The following EFNA5 variants were observed in gnomAD, a reference collection of about 807,000 sequenced individuals.
EFNA5 encodes ephrin A5.
Under a neutral mutation model 22.9 loss-of-function variants are expected in EFNA5, and 5 were observed. The ratio of observed to expected loss-of-function variants is 0.22; its 90% CI spans 0.11 to 0.46. EFNA5 has a LOEUF of 0.46. Ranked by LOEUF, EFNA5 falls within the 20% of genes least tolerant of loss-of-function variation. The probability of loss-of-function intolerance (pLI) is 0.99; values close to 1 mark genes in which losing one functional copy is unlikely to be tolerated. For synonymous variants in EFNA5, 113 were observed against 112.2 expected, an observed-to-expected ratio of 1.01 and a Z score of -0.04; for missense variants, 237 against 293.3, an observed-to-expected ratio of 0.81 and a Z score of 1.40.
chr5:107,656,275 G>T (rs1354396757), intron 1 of EFNA5, among the ~76,000 whole-genome samples: 1 of 152,128 alleles, frequency 6.6e-6, no homozygotes, highest in Non-Finnish European at 1.5e-5. Context: ...TTACAAAGGA[G>T]ATTCAAAATC....
intron 2 of EFNA5, among the ~76,000 whole-genome samples, chr5:107,406,249 T>C (rs1402242927): frequency 6.6e-6 from 1 of 151,488 alleles, no homozygotes; most frequent in Non-Finnish European, 1.5e-5. Flanking sequence ...TGTATACAAA[T>C]ATTAATTGTG....
At chr5:107,556,314 A>C (rs1748413772) in intron 1 of EFNA5, among the ~76,000 whole-genome samples, 1 of 152,340 alleles carries the variant, frequency 6.6e-6, no homozygotes, top group Non-Finnish European at 1.5e-5. Context: ...CTTAATCTGC[A>C]CAAGAGTCCT....
chr5:107,437,039 ATGTT>A (rs982955635), intron 1 of EFNA5, among the ~76,000 whole-genome samples: 2 of 152,242 alleles, frequency 1.3e-5, no homozygotes, highest in Non-Finnish European at 2.9e-5. Context: ...AGTGAACTAA[ATGTT>A]TGTATTATGG....
intron 1 of EFNA5, among the ~76,000 whole-genome samples, chr5:107,473,346 G>C (rs1035356679): frequency 4.9e-4 from 66 of 135,114 alleles, no homozygotes; most frequent in Non-Finnish European, 7.8e-5. Flanking sequence ...CATTCTCCTT[G>C]TTGATATCAT....
rs1008230550 is a variant in EFNA5, at chr5:107,519,216, C to T, written c.126-91707G>A. 5.3e-5 allele frequency among the ~76,000 whole-genome samples: 8 copies of T among 151,630 alleles called. 1 individual carries two copies. The highest frequency in any genetic ancestry group is 2.2e-4 in the South Asian group (1 of 4,650). ...TGCAAAGTTTTAACCATCAAAATAT[C>T]CTAATTCTAAAAGTCGGAACCTAGT... On this transcript the variant is annotated intron_variant, in intron 1 of 4. Coordinates refer to ENST00000333274, the MANE Select transcript of EFNA5 (RefSeq NM_001962.3).
chr5:107,587,293 C>A (rs1447825183), intron 1 of EFNA5, among the ~76,000 whole-genome samples: 1 of 152,140 alleles, frequency 6.6e-6, no homozygotes, highest in Admixed American at 6.5e-5. Flanking sequence ...AAAGTGGAAG[C>A]CTCTTGGCCT....
intron 1 of EFNA5, among the ~76,000 whole-genome samples, chr5:107,644,161 A>C (rs1381204940): frequency 6.6e-6 from 1 of 152,126 alleles, no homozygotes; most frequent in Non-Finnish European, 1.5e-5. Context: ...TGGCGATACA[A>C]GCTGAAAGAT....
intron 1 of EFNA5, among the ~76,000 whole-genome samples, chr5:107,502,156 CCA>C (rs1202913877): frequency 1.3e-5 from 2 of 152,218 alleles, no homozygotes; most frequent in African/African-American, 4.8e-5. Flanking sequence ...CGATCTAATT[CCA>C]GTTTTCAGGC....
At chr5:107,393,269 G>A (rs111463559) in intron 2 of EFNA5, among the ~76,000 whole-genome samples, 1 of 152,250 alleles carries the variant, frequency 6.6e-6, no homozygotes, top group Non-Finnish European at 1.5e-5. Flanking sequence ...AGGCCATCAA[G>A]TTAAATACAA....
chr5:107,569,600 C>A (rs1748752768), intron 1 of EFNA5, among the ~76,000 whole-genome samples: 1 of 95,094 alleles, frequency 1.1e-5, no homozygotes, highest in African/African-American at 3.1e-5. Flanking sequence ...TATATATTCC[C>A]AGCTCTTTGG....
intron 1 of EFNA5, among the ~76,000 whole-genome samples, chr5:107,632,988 G>T (rs1417606181): frequency 6.6e-6 from 1 of 151,566 alleles, no homozygotes; most frequent in Non-Finnish European, 1.5e-5. Context: ...ACTAATTCTG[G>T]TTACAAGGGC....
chr5:107,630,145 G>A (rs1390564387), intron 1 of EFNA5, among the ~76,000 whole-genome samples: 1 of 152,024 alleles, frequency 6.6e-6, no homozygotes, highest in Non-Finnish European at 1.5e-5. Context: ...TATTTTATGT[G>A]TGACCCAAGA....
At chr5:107,566,755 T>C (rs1183109600) in intron 1 of EFNA5, among the ~76,000 whole-genome samples, 2 of 152,176 alleles carry the variant, frequency 1.3e-5, no homozygotes, top group African/African-American at 4.8e-5. Context: ...TGCGATACCA[T>C]TTGGGTTTTA....
intron 1 of EFNA5, among the ~76,000 whole-genome samples, chr5:107,557,632 T>C (rs1748452935): frequency 6.6e-6 from 1 of 152,260 alleles, no homozygotes; most frequent in South Asian, 2.1e-4. Flanking sequence ...TATCTGTGTG[T>C]GTACTATAGT....
intron 1 of EFNA5, among the ~76,000 whole-genome samples, chr5:107,661,817 TATC>T (rs1221653426): frequency 6.6e-6 from 1 of 152,156 alleles, no homozygotes; most frequent in Non-Finnish European, 1.5e-5. Context: ...AAACATCAAG[TATC>T]ATGTCTGTCA....
intron 1 of EFNA5, among the ~76,000 whole-genome samples, chr5:107,486,709 C>T (rs933019896): frequency 6.6e-6 from 1 of 152,190 alleles, no homozygotes; most frequent in Non-Finnish European, 1.5e-5. Context: ...AACCACAAGA[C>T]TGAAGAGGCC....
chr5:107,652,314 T>A (rs999320811), intron 1 of EFNA5, among the ~76,000 whole-genome samples: 1 of 152,198 alleles, frequency 6.6e-6, no homozygotes, highest in Non-Finnish European at 1.5e-5. Context: ...ACTTGCCCCA[T>A]CTCTTTTAAA....
chr5:107,516,499 G>C lies in EFNA5; in HGVS notation c.126-88990C>G, dbSNP rs1747484931. 1.3e-5 allele frequency among the ~76,000 whole-genome samples: 2 copies of C among 152,136 alleles called. 1 individual carries two copies. The highest frequency in any genetic ancestry group is 4.1e-4 in the South Asian group (2 of 4,828). ...CTGCTAATCTGTTAATCAAACAACT[G>C]TTTTAACTATATTATGAGAAATAAC... On this transcript the variant is annotated intron_variant, in intron 1 of 4. Coordinates refer to ENST00000333274, the MANE Select transcript of EFNA5 (RefSeq NM_001962.3).
At chr5:107,575,447 T>C (rs755276575) in intron 1 of EFNA5, among the ~76,000 whole-genome samples, 1 of 152,200 alleles carries the variant, frequency 6.6e-6, no homozygotes, top group Non-Finnish European at 1.5e-5. Flanking sequence ...TAGTAATCCT[T>C]TGAACCCACC....
Sources: allele counts gnomAD v4.1 joint callset (sites outside exome capture counted in the v4.1 genomes callset), GRCh38; gene constraint gnomAD v4.1.1; transcripts MANE v1.5; gene names NCBI Gene and HGNC (gene_info 2026-07-23, HGNC 2026-07-21).